Variants in RBM47 observed in about 807,000 individuals in gnomAD.
RBM47 encodes RNA-binding protein 47.
RBM47 carries 21 observed loss-of-function variants against 47.1 expected under a neutral mutation model. That is an observed-to-expected ratio of 0.45 (90% CI 0.32 to 0.64). The LOEUF (loss-of-function observed/expected upper bound fraction) is 0.64, where lower values mean the gene tolerates loss of function less well. Among genes scored for constraint, RBM47 ranks in the 30% least tolerant of loss-of-function variants. The pLI is 0.05. For synonymous variants in RBM47, 375 were observed against 361.7 expected (o/e 1.04, Z -0.42); for missense variants, 708 against 870.9 (o/e 0.81, Z 2.35).
chr4:40,611,074 G>A (rs867215610), intron 1 of RBM47, among the ~76,000 whole-genome samples: 21 of 152,138 alleles, frequency 1.4e-4, no homozygotes, highest in African/African-American at 3.9e-4. Flanking sequence ...TCCCCTAAAC[G>A]TTTCCCTCAT....
chr4:40,454,907 A>G (rs1716000892), intron 3 of RBM47, among the ~76,000 whole-genome samples: 1 of 152,216 alleles, frequency 6.6e-6, no homozygotes, highest in Non-Finnish European at 1.5e-5. Context: ...TTCTACCATG[A>G]TACTCATTCT....
intron 1 of RBM47, among the ~76,000 whole-genome samples, chr4:40,549,109 T>TTG (rs557930503): frequency 2.0e-5 from 3 of 147,000 alleles, no homozygotes; most frequent in Admixed American, 6.8e-5. Context: ...TCTTTTTTTT[T>TTG]GGGGGGGGGG....
chr4:40,541,498 C>T (rs181186954), intron 2 of RBM47, among the ~76,000 whole-genome samples: 22 of 151,854 alleles, frequency 1.4e-4, no homozygotes, highest in African/African-American at 5.1e-4. Flanking sequence ...GCACTTTGGG[C>T]GGCAGAGGTG....
chr4:40,485,933 T>G (rs1408140249), intron 2 of RBM47, among the ~76,000 whole-genome samples: 1 of 150,002 alleles, frequency 6.7e-6, no homozygotes, highest in Non-Finnish European at 1.5e-5. Flanking sequence ...TAGCTAGGCA[T>G]GGTGGCATGC....
intron 1 of RBM47, among the ~76,000 whole-genome samples, chr4:40,626,006 T>C (rs996563921): frequency 3.9e-5 from 6 of 152,186 alleles, no homozygotes; most frequent in African/African-American, 1.2e-4. Context: ...TCTAAAAGCT[T>C]TGATAGGGTG....
At chr4:40,610,287 T>C (rs1198501422) in intron 1 of RBM47, among the ~76,000 whole-genome samples, 1 of 152,056 alleles carries the variant, frequency 6.6e-6, no homozygotes, top group African/African-American at 2.4e-5. Context: ...ATAGTTTTCT[T>C]ATGCAGATTC....
At chr4:40,592,818 C>G (rs1321237568) in intron 1 of RBM47, among the ~76,000 whole-genome samples, 2 of 150,408 alleles carry the variant, frequency 1.3e-5, no homozygotes, top group African/African-American at 4.9e-5. Flanking sequence ...CTTGGCCTCC[C>G]AGTGAGCCAC....
At chr4:40,440,852 TAAATGCTCAAG>T (rs1354328130) in intron 3 of RBM47, among the ~76,000 whole-genome samples, 1 of 152,244 alleles carries the variant, frequency 6.6e-6, no homozygotes. Context: ...TAGAATATTA[TAAATGCTCAAG>T]AAATGTCAGT....
intron 2 of RBM47, among the ~76,000 whole-genome samples, chr4:40,513,335 C>T (rs1725186741): frequency 6.6e-6 from 1 of 152,176 alleles, no homozygotes; most frequent in Non-Finnish European, 1.5e-5. Flanking sequence ...GGCCAAAGAT[C>T]CCACACCCTT....
At chr4:40,477,905 C>A (rs768919288) in intron 2 of RBM47, among the ~76,000 whole-genome samples, 4 of 152,014 alleles carry the variant, frequency 2.6e-5, no homozygotes, top group East Asian at 1.9e-4. Flanking sequence ...AAGCAAGTCA[C>A]CCCTTCTACT....
At chr4:40,467,933 C>T (rs1349775368) in intron 2 of RBM47, among the ~76,000 whole-genome samples, 1 of 152,082 alleles carries the variant, frequency 6.6e-6, no homozygotes, top group Admixed American at 6.5e-5. Context: ...TTAAGGCTAT[C>T]TCTGTCATGC....
At chr4:40,580,698 T>C (rs554068792) in intron 1 of RBM47, among the ~76,000 whole-genome samples, 1 of 152,264 alleles carries the variant, frequency 6.6e-6, no homozygotes, top group East Asian at 1.9e-4. Flanking sequence ...CTCACACATA[T>C]TGAGGAATGA....
At chr4:40,468,752 C>T (rs1320663644) in intron 2 of RBM47, among the ~76,000 whole-genome samples, 2 of 152,094 alleles carry the variant, frequency 1.3e-5, no homozygotes, top group African/African-American at 4.8e-5. Flanking sequence ...AAGCCACACC[C>T]TCAAATAAAT....
At chr4:40,581,241 G>A (rs1298463223) in intron 1 of RBM47, among the ~76,000 whole-genome samples, 2 of 152,042 alleles carry the variant, frequency 1.3e-5, no homozygotes, top group Non-Finnish European at 2.9e-5. Flanking sequence ...GGACAATATA[G>A]TGAGACCTCA....
At chr4:40,605,660 G>A (rs201921431) in intron 1 of RBM47, among the ~76,000 whole-genome samples, 2 of 149,840 alleles carry the variant, frequency 1.3e-5, no homozygotes, top group South Asian at 2.1e-4. Context: ...GTGAAACCCC[G>A]TCTCTACTAA....
intron 2 of RBM47, among the ~76,000 whole-genome samples, chr4:40,515,572 T>C (rs1254293053): frequency 6.6e-6 from 1 of 152,090 alleles, no homozygotes; most frequent in Admixed American, 6.6e-5. Flanking sequence ...TGCTCAGAAT[T>C]TTGCATTTCC....
intron 4 of RBM47, 103 bp downstream of exon 4, chr4:40,437,668 G>A: frequency 2.4e-6 from 3 of 1,248,934 alleles, no homozygotes; most frequent in South Asian, 2.9e-5. Context: ...AGGGCCTTCA[G>A]CACCTACCAG....
intron 2 of RBM47, among the ~76,000 whole-genome samples, chr4:40,471,251 T>C (rs1473740282): frequency 6.6e-6 from 1 of 152,152 alleles, no homozygotes; most frequent in Non-Finnish European, 1.5e-5. Flanking sequence ...ATTATAAGGA[T>C]TACACAAGAC....
chr4:40,522,331 C>T (rs1055113853), intron 2 of RBM47, among the ~76,000 whole-genome samples: 2 of 152,082 alleles, frequency 1.3e-5, no homozygotes, highest in Non-Finnish European at 2.9e-5. Context: ...ATGGTGAAGC[C>T]CTGTTTCTAC....
Sources: gnomAD v4.1 joint callset for allele counts (sites outside exome capture counted in the v4.1 genomes callset) on GRCh38, gnomAD v4.1.1 for gene constraint, MANE v1.5 for transcripts, NCBI Gene and HGNC (gene_info 2026-07-23, HGNC 2026-07-21) for gene names.